Variants in ZNF607 observed in about 807,000 individuals in gnomAD.
ZNF607 encodes the protein zinc finger protein 607.
A neutral mutation model predicts 12.8 loss-of-function variants in ZNF607; 5 were observed. The ratio of observed to expected loss-of-function variants is 0.39; its 90% CI spans 0.20 to 0.82. The LOEUF (loss-of-function observed/expected upper bound fraction) is 0.82. Among genes scored for constraint, ZNF607 ranks in the 40% least tolerant of loss-of-function variants. The pLI, the probability that ZNF607 is intolerant of heterozygous loss-of-function variation, is 0.39. For missense variants in ZNF607, 851 were observed against 859.2 expected, an observed-to-expected ratio of 0.99 and a Z score of 0.12; for synonymous variants, 287 against 276.2, an observed-to-expected ratio of 1.04 and a Z score of -0.39.
Position 37,696,681 on chromosome 19 carries a change from T to G in ZNF607, c.*1359A>C. On this transcript the variant is annotated 3_prime_UTR_variant, in exon 5 of 5. Transcript: ENST00000355202. ...GCAGGCAGGTGATGTTCCGAGAGCA[T>G]GAGAGCTGGTATGCAATGTCTTCTG... The G allele has an allele frequency of 6.9e-6, 5 of 722,786 alleles. No individual in the cohort carries two copies. The highest frequency in any genetic ancestry group is 1.3e-5 in the Non-Finnish European group (5 of 399,694). 44.8% of individuals were successfully genotyped at this position (722,786 alleles called of 1,614,324 possible).
At chr19:37,702,287 C>CAAAAAAAAAAAAA (rs10714690) in intron 4 of ZNF607, among the ~76,000 whole-genome samples, 9 of 73,622 alleles carry the variant, frequency 1.2e-4, no homozygotes, top group African/African-American at 1.7e-4. Flanking sequence ...AACTCCATCT[C>CAAAAAAAAAAAAA]AAAAAAAAAA....
At chr19:37,705,928 T>C (rs931256459) in intron 4 of ZNF607, among the ~76,000 whole-genome samples, 1 of 152,036 alleles carries the variant, frequency 6.6e-6, no homozygotes, top group Non-Finnish European at 1.5e-5. Context: ...ATGCCAGGCA[T>C]GGTGGCTTAC....
chr19:37,707,836 G>A (rs1026125448), intron 4 of ZNF607, 78 bp downstream of exon 4: 55 of 1,109,754 alleles, frequency 5.0e-5, no homozygotes, highest in South Asian at 2.2e-4. Flanking sequence ...TCAAGGATGC[G>A]TTTACCAAAT....
chr19:37,698,163 A>C lies in ZNF607; in HGVS notation c.1968T>G (p.Ser656Arg). 6.2e-7 allele frequency: 1 copy of C among 1,614,156 alleles called. No homozygotes were observed. The highest frequency in any genetic ancestry group is 8.5e-7 in the Non-Finnish European group (1 of 1,180,016). ...MCEECGKAFN[S>R]SHELSIHHRV... ...TATGATGTATACTAAGTTCATGGCT[A>C]CTATTAAAAGCTTTCCCACACTCTT... is the stretch of plus-strand genomic sequence containing the variant. The change falls in exon 5 of 5, where the codon AGT becomes AGG. Residue 656 changes from serine (S) to arginine (R), a missense_variant. By Grantham distance (110) the Ser-to-Arg change is moderately radical. Coordinates refer to ENST00000355202, the MANE Select transcript of ZNF607 (RefSeq NM_032689.5).
At chr19:37,704,396 C>A (rs2045063606) in intron 4 of ZNF607, among the ~76,000 whole-genome samples, 1 of 152,122 alleles carries the variant, frequency 6.6e-6, no homozygotes, top group Non-Finnish European at 1.5e-5. Flanking sequence ...TAAAACAATT[C>A]AAGTCATAAA....
chr19:37,705,685 C>CA (rs978057659), intron 4 of ZNF607, among the ~76,000 whole-genome samples: 15,960 of 51,998 alleles, frequency 0.31, 1,772 homozygotes, highest in Non-Finnish European at 0.38. Context: ...ACTCTCTCTC[C>CA]AAAAAAAAAA....
chr19:37,717,806 C>CAAAAAAAAAAAAAAAAAAAAAAAAAA (rs57152044), intron 1 of ZNF607, among the ~76,000 whole-genome samples: 3 of 67,096 alleles, frequency 4.5e-5, no homozygotes, highest in Non-Finnish European at 5.3e-5. Flanking sequence ...AACTCAGTCT[C>CAAAAAAAAAAAAAAAAAAAAAAAAAA]AAAAAAAAAA....
At position 37,699,627 on chromosome 19, in the gene ZNF607, T is replaced by C; in HGVS notation, c.504A>G (p.Lys168=). 2.5e-6 allele frequency: 4 copies of C among 1,614,134 alleles called. No individual in the cohort carries two copies. The highest frequency in any genetic ancestry group is 3.4e-6 in the Non-Finnish European group (4 of 1,179,994). ...RKHQKINARE[K]PYECEECGKV... ...TCCCACATTCTTCACATTCATAAGG[T>C]TTCTCACGAGCATTAATTTTCTGAT... is the stretch of plus-strand genomic sequence containing the variant. The change falls in exon 5 of 5, where the codon AAA becomes AAG. Residue 168 remains lysine (K), a synonymous_variant. Coordinates refer to ENST00000355202, the MANE Select transcript of ZNF607 (RefSeq NM_032689.5).
intron 4 of ZNF607, among the ~76,000 whole-genome samples, chr19:37,704,150 TAAAG>T (rs1599663430): frequency 6.8e-6 from 1 of 146,612 alleles, no homozygotes; most frequent in Non-Finnish European, 1.5e-5. Context: ...AAAACAAAAA[TAAAG>T]AAAAAAAATA....
In ZNF607 at chr19:37,707,966, T is replaced by C. The variant is rs1568406043; in HGVS notation, c.183A>G (p.Gln61=). Residue 61 remains glutamine, a synonymous_variant, in exon 4 of 5, where the codon CAA becomes CAG. Transcript: ENST00000355202. Reference sequence around the variant, plus strand: ...TCACAATCATCCATGGCTCTTTTCCTTGCTCCAATAAGGTGATTAAATCTG... The same window carrying C: ...TCACAATCATCCATGGCTCTTTTCCCTGCTCCAATAAGGTGATTAAATCTG... ...SKPDLITLLE[Q]GKEPWMIVRE... is the part of the protein sequence containing the mutation. 6.2e-7 allele frequency: 1 copy of C among 1,614,086 alleles called. No homozygotes were observed. Among genetic ancestry groups the C allele is most frequent in the Admixed American group, 1.7e-5 (1 of 60,018 alleles).
rs1599657837 is a variant in ZNF607 at position 37,697,123 on chromosome 19, T to G, written c.*917A>C. On this transcript the variant is annotated 3_prime_UTR_variant, in exon 5 of 5. Coordinates refer to ENST00000355202, the MANE Select transcript of ZNF607 (RefSeq NM_032689.5). Reference sequence around the variant, plus strand: ...TGGCTAGTGATGGGCCGGAAGAGGATGCACAGTGTGATGTTGACATTCTGT... The same window carrying G: ...TGGCTAGTGATGGGCCGGAAGAGGAGGCACAGTGTGATGTTGACATTCTGT... 2.7e-6 allele frequency: 2 copies of G among 746,930 alleles called. No homozygotes were observed. The highest frequency in any genetic ancestry group is 5.1e-5 in the East Asian group (2 of 39,450). 46.3% of individuals were successfully genotyped at this position (746,930 alleles called of 1,614,324 possible).
intron 4 of ZNF607, 49 bp from the exon 5 acceptor site, chr19:37,699,944 GT>G (rs5827990): frequency 0.78 from 1,123,636 of 1,441,586 alleles, 447,888 homozygotes; most frequent in Non-Finnish European, 0.83. Context: ...AAATGTCAAT[GT>G]TATTGTAGAA....
rs2045006783 is a variant in ZNF607 at position 37,698,813 on chromosome 19, TA to T, written c.1317del (p.His439GlnfsTer86). The T allele has an allele frequency of 1.2e-6, 2 of 1,612,576 alleles. No homozygotes were observed. The highest frequency in any genetic ancestry group is 2.7e-5 in the African/African-American group (2 of 74,440). On this transcript the variant is annotated frameshift_variant, in exon 5 of 5. Transcript: ENST00000355202. LOFTEE classifies it low-confidence loss of function (END_TRUNC). Reference protein sequence around the residue: ...AFSQRAHLAHHNRIHTGYKPF... With the variant: ...AFSQRAHLAHXNRIHTGYKPF... ...GGTTTGTAACCAGTATGAATTCTGTTATGATGGGCAAGGTGTGCACGCTGAC... is the reference window on the plus strand; with the variant it reads ...GGTTTGTAACCAGTATGAATTCTGTTTGATGGGCAAGGTGTGCACGCTGAC...
At chr19:37,712,909 T>G (rs2972435) in intron 1 of ZNF607, among the ~76,000 whole-genome samples, 4,078 of 152,258 alleles carry the variant, frequency 0.027, 188 homozygotes, top group African/African-American at 0.092. Context: ...GTTAGAATTG[T>G]GTCTCCAACA....
Position 37,697,332 on chromosome 19 carries a change from T to C in ZNF607, c.*708A>G. On this transcript the variant is annotated 3_prime_UTR_variant, in exon 5 of 5. Coordinates refer to ENST00000355202, the MANE Select transcript of ZNF607 (RefSeq NM_032689.5). ...AGCATCCACATTACATAAGGCAGAGTTCACCATGCCTCCTGCAACAGCTAA... is the reference window on the plus strand; with the variant it reads ...AGCATCCACATTACATAAGGCAGAGCTCACCATGCCTCCTGCAACAGCTAA... The C allele has an allele frequency of 7.5e-7, 1 of 1,331,044 alleles. No individual in the cohort carries two copies. The highest frequency in any genetic ancestry group is 1.1e-6 in the Non-Finnish European group (1 of 933,756). 82.5% of individuals were successfully genotyped at this position (1,331,044 alleles called of 1,614,324 possible). A position where few individuals can be genotyped will look rare whatever the true frequency, so the allele number is the denominator to read the frequency against.
chr19:37,700,396 A>G (rs1485266195), intron 4 of ZNF607, among the ~76,000 whole-genome samples: 2 of 151,120 alleles, frequency 1.3e-5, no homozygotes, highest in Admixed American at 1.3e-4. Flanking sequence ...AGATAACTAA[A>G]TAGAAACTCA....
chr19:37,715,559 C>T (rs911302162), intron 1 of ZNF607, among the ~76,000 whole-genome samples: 11 of 150,450 alleles, frequency 7.3e-5, no homozygotes, highest in Middle Eastern at 3.4e-3. Flanking sequence ...GAGCTGAGAT[C>T]ATGCCATTGC....
chr19:37,697,114 G>A lies in ZNF607; in HGVS notation c.*926C>T, dbSNP rs757118868. 35 of 744,880 alleles carry A rather than the reference G, an allele frequency of 4.7e-5. No individual in the cohort carries two copies. Among genetic ancestry groups the A allele is most frequent in the Non-Finnish European group, 7.5e-5 (30 of 397,408 alleles). The allele number at this position is 744,880 out of a possible 1,614,324, so 46.1% of individuals were successfully genotyped here. ...CGAGGAAGCTGGCTAGTGATGGGCCGGAAGAGGATGCACAGTGTGATGTTG... is the reference window on the plus strand; with the variant it reads ...CGAGGAAGCTGGCTAGTGATGGGCCAGAAGAGGATGCACAGTGTGATGTTG... On this transcript the variant is annotated 3_prime_UTR_variant, in exon 5 of 5. Transcript: ENST00000355202.
intron 4 of ZNF607, among the ~76,000 whole-genome samples, chr19:37,701,434 G>A (rs1041132510): frequency 2.0e-5 from 3 of 152,090 alleles, no homozygotes; most frequent in Admixed American, 6.6e-5. Context: ...TACCTGCTCT[G>A]CCCTGACTCC....
Sources: gnomAD v4.1 joint callset for allele counts (sites outside exome capture counted in the v4.1 genomes callset) on GRCh38, gnomAD v4.1.1 for gene constraint, MANE v1.5 for transcripts, NCBI Gene and HGNC (gene_info 2026-07-23, HGNC 2026-07-21) for gene names.